Variants in MBOAT2 observed in about 807,000 individuals in gnomAD.
The protein encoded by MBOAT2 is membrane bound glycerophospholipid O-acyltransferase 2, also known as membrane-bound glycerophospholipid O-acyltransferase 2.
MBOAT2 carries 28 observed loss-of-function variants against 63.4 expected under a neutral mutation model. The ratio of observed to expected loss-of-function variants is 0.44; its 90% CI spans 0.33 to 0.61. MBOAT2 has a LOEUF of 0.61. MBOAT2 is among the 20% of genes least tolerant of loss of function. MBOAT2 has a pLI of 0.03. For missense variants in MBOAT2, 470 were observed against 605.8 expected (o/e 0.78, Z 2.35); for synonymous variants, 211 against 215.6 (o/e 0.98, Z 0.19).
chr2:8,858,706 G>A lies in MBOAT2; in HGVS notation c.1536C>T (p.Ala512=). 6.2e-7 allele frequency: 1 copy of A among 1,612,744 alleles called. No individual in the cohort carries two copies. The change falls in exon 13 of 13, where the codon GCC becomes GCT. Residue 512 remains alanine, a synonymous_variant. Transcript: ENST00000305997. ...NNVCNQNQEI[A]SRHSSLKQ The stretch of plus-strand genomic sequence containing the variant: ...ACTGCTTTAGTGATGAATGTCTCGA[G>A]GCTATTTCTTGATTCTGATTGCAAA...
At chr2:8,884,195 C>CAAAA (rs1169179642) in intron 5 of MBOAT2, among the ~76,000 whole-genome samples, 42 of 22,080 alleles carry the variant, frequency 1.9e-3, no homozygotes, top group Non-Finnish European at 2.6e-3. Context: ...AAGACTCAGC[C>CAAAA]AAAAAAAAAA....
chr2:8,922,576 T>C (rs1355030632), intron 3 of MBOAT2, among the ~76,000 whole-genome samples: 1 of 152,208 alleles, frequency 6.6e-6, no homozygotes, highest in Non-Finnish European at 1.5e-5. Context: ...AGTGTTGCTT[T>C]TTAGCCTCAC....
At chr2:8,860,061 G>A (rs1245513492) in intron 12 of MBOAT2, among the ~76,000 whole-genome samples, 1 of 151,928 alleles carries the variant, frequency 6.6e-6, no homozygotes. Flanking sequence ...AGTGGTGGGT[G>A]CCTGTAATCC....
chr2:8,912,298 GAAAAGAAAGAAA>G (rs1665769894), intron 3 of MBOAT2, among the ~76,000 whole-genome samples: 1 of 56,512 alleles, frequency 1.8e-5, no homozygotes, highest in South Asian at 7.0e-4. Context: ...GGAAAAGAAA[GAAAAGAAAGAAA>G]GAAAGAAAGA....
At chr2:8,892,466 A>G (rs1226145155) in intron 4 of MBOAT2, among the ~76,000 whole-genome samples, 1 of 148,734 alleles carries the variant, frequency 6.7e-6, no homozygotes, top group African/African-American at 2.5e-5. Flanking sequence ...CTTCATTCAG[A>G]AAAAAAAAAG....
chr2:8,923,608 T>C (rs1226784620), intron 3 of MBOAT2, among the ~76,000 whole-genome samples: 1 of 152,160 alleles, frequency 6.6e-6, no homozygotes, highest in Non-Finnish European at 1.5e-5. Flanking sequence ...CAATACCTGC[T>C]GTTCTCAGTG....
chr2:8,955,798 T>C (rs909684289), intron 2 of MBOAT2, among the ~76,000 whole-genome samples: 1 of 152,214 alleles, frequency 6.6e-6, no homozygotes, highest in Admixed American at 6.5e-5. Context: ...ACTTCATTGT[T>C]GCCTTATTTT....
At chr2:8,950,678 C>T (rs1668765242) in intron 2 of MBOAT2, among the ~76,000 whole-genome samples, 2 of 152,298 alleles carry the variant, frequency 1.3e-5, no homozygotes, top group Admixed American at 6.5e-5. Context: ...CCACCCGTCT[C>T]GGCCTCCCAA....
intron 1 of MBOAT2, among the ~76,000 whole-genome samples, chr2:8,985,182 G>A (rs1275182351): frequency 1.3e-5 from 2 of 152,118 alleles, no homozygotes; most frequent in African/African-American, 4.8e-5. Flanking sequence ...TATATTAGCT[G>A]AGAGTTAGGT....
chr2:8,890,190 A>T (rs1041048360), intron 4 of MBOAT2, among the ~76,000 whole-genome samples: 6 of 152,172 alleles, frequency 3.9e-5, no homozygotes, highest in African/African-American at 1.4e-4. Context: ...TTTTACAAGG[A>T]TAAGTTACTC....
At chr2:8,955,857 A>C (rs905281219) in intron 2 of MBOAT2, among the ~76,000 whole-genome samples, 5 of 152,228 alleles carry the variant, frequency 3.3e-5, no homozygotes, top group Admixed American at 2.6e-4. Context: ...CACTCTGATA[A>C]GTGAGCAGCC....
chr2:8,921,980 C>T (rs1449291012), intron 3 of MBOAT2, among the ~76,000 whole-genome samples: 2 of 152,296 alleles, frequency 1.3e-5, no homozygotes, highest in East Asian at 3.9e-4. Context: ...TCTCTCTCCC[C>T]TCTCTTTTGG....
chr2:8,884,435 C>A (rs1663395146), intron 5 of MBOAT2, among the ~76,000 whole-genome samples: 1 of 148,340 alleles, frequency 6.7e-6, no homozygotes, highest in Non-Finnish European at 1.5e-5. Context: ...CTACTTGTGA[C>A]AATTCTACTT....
chr2:8,974,331 T>C, intron 1 of MBOAT2: 1 of 455,874 alleles, frequency 2.2e-6, no homozygotes, highest in Non-Finnish European at 4.4e-6. Context: ...TCCTCACTCT[T>C]AAAAAGGGAT....
chr2:8,945,954 C>T (rs141894280), intron 2 of MBOAT2, among the ~76,000 whole-genome samples: 188 of 152,214 alleles, frequency 1.2e-3, no homozygotes, highest in Middle Eastern at 6.8e-3. Context: ...TCAATGAGAC[C>T]GTTTATGTCC....
chr2:8,890,998 G>A (rs1246703309), intron 4 of MBOAT2, among the ~76,000 whole-genome samples: 2 of 152,262 alleles, frequency 1.3e-5, no homozygotes, highest in African/African-American at 4.8e-5. Flanking sequence ...AAACCCATGA[G>A]CTACTCAACA....
chr2:8,860,665 T>C lies in MBOAT2; in HGVS notation c.1285A>G (p.Thr429Ala). Residue 429 changes from threonine to alanine, a missense_variant, in exon 12 of 13, where the codon ACA becomes GCA. By Grantham distance (58) the Thr-to-Ala change is moderately conservative. Transcript: ENST00000305997. ...WIVTQVAISYTVVPFVLLSIK... is the reference protein window; with the variant it reads ...WIVTQVAISYAVVPFVLLSIK... ...GAAAGAAGCACAAATGGCACAACTG[T>C]GTAACTTATTGCTACTTGAGTTACT... The C allele has an allele frequency of 6.2e-7, 1 of 1,613,586 alleles. No homozygotes were observed. The highest frequency in any genetic ancestry group is 8.5e-7 in the Non-Finnish European group (1 of 1,179,754).
intron 4 of MBOAT2, among the ~76,000 whole-genome samples, chr2:8,896,937 T>C (rs931770066): frequency 7.2e-5 from 11 of 152,354 alleles, no homozygotes; most frequent in Admixed American, 1.3e-4. Context: ...TTAAGGATTT[T>C]TGATAGGAAG....
intron 4 of MBOAT2, among the ~76,000 whole-genome samples, chr2:8,899,266 A>T (rs934309446): frequency 1.3e-5 from 2 of 152,180 alleles, no homozygotes; most frequent in African/African-American, 2.4e-5. Flanking sequence ...ATCCCTCCCT[A>T]ATAAGGGTGT....
Sources: allele counts gnomAD v4.1 joint callset (sites outside exome capture counted in the v4.1 genomes callset), GRCh38; gene constraint gnomAD v4.1.1; transcripts MANE v1.5; gene names NCBI Gene and HGNC (gene_info 2026-07-23, HGNC 2026-07-21).